The following PLD5 variants were observed in gnomAD, a reference collection of about 807,000 sequenced individuals.
PLD5 encodes the protein phospholipase D family member 5.
PLD5 carries 36 observed loss-of-function variants against 61.1 expected under a neutral mutation model. The observed-to-expected ratio is 0.59, with a 90% CI of 0.45 to 0.78. The LOEUF is 0.78. Ranked by LOEUF, PLD5 falls within the 30% of genes least tolerant of loss-of-function variation. The probability of loss-of-function intolerance (pLI) is 0.00; values close to 1 mark genes in which losing one functional copy is unlikely to be tolerated. For missense variants in PLD5, 515 were observed against 644.4 expected (o/e 0.80, Z 2.17); for synonymous variants, 243 against 242.8 (o/e 1.00, Z -0.01).
At chr1:242,150,567 T>C (rs1315666981) in intron 5 of PLD5, among the ~76,000 whole-genome samples, 3 of 151,874 alleles carry the variant, frequency 2.0e-5, no homozygotes, top group Middle Eastern at 3.2e-3. Flanking sequence ...TTGCTCTTTA[T>C]TTCTGGTAAT....
chr1:242,517,509 A>T (rs1669141765), intron 1 of PLD5, among the ~76,000 whole-genome samples: 1 of 152,152 alleles, frequency 6.6e-6, no homozygotes, highest in African/African-American at 2.4e-5. Context: ...ATTTCATATC[A>T]ACTTTGCATT....
rs74152319 is a variant in PLD5 at position 242,300,989 on chromosome 1, G to A, written c.327-12459C>T. Reference sequence around the variant, plus strand: ...CAAGGATGCTTGTGTGATGTCACGCGAGCTTGCCTTTCATCTTTCTCCAAA... The same window carrying A: ...CAAGGATGCTTGTGTGATGTCACGCAAGCTTGCCTTTCATCTTTCTCCAAA... On this transcript the variant is annotated intron_variant, in intron 2 of 9. Coordinates refer to ENST00000536534, the MANE Select transcript of PLD5 (RefSeq NM_001372062.1). Among the ~76,000 whole-genome samples the A allele has an allele frequency of 3.8e-3, 572 of 152,238 alleles. 6 individuals are homozygous for A. Among genetic ancestry groups the A allele is most frequent in the African/African-American group, 0.013 (554 of 41,524 alleles).
rs560811527 is a variant in PLD5 at position 242,215,012 on chromosome 1, G to C, written c.735+4976C>G. The stretch of plus-strand genomic sequence containing the variant: ...CTGACTCAGCCTCCAGAGTAGCTGG[G>C]ACTACTTGTGCCTGCCACCGTGCCT... On this transcript the variant is annotated intron_variant, in intron 5 of 9. Transcript: ENST00000536534. Among the ~76,000 whole-genome samples the C allele has an allele frequency of 1.1e-3, 164 of 150,408 alleles. 1 individual carries two copies. Among genetic ancestry groups the C allele is most frequent in the African/African-American group, 3.9e-3 (158 of 40,846 alleles).
intron 9 of PLD5, among the ~76,000 whole-genome samples, chr1:242,097,437 C>G (rs954332532): frequency 2.0e-5 from 3 of 152,138 alleles, no homozygotes; most frequent in African/African-American, 7.2e-5. Context: ...TTAATGATTG[C>G]CATTCTAACT....
chr1:242,419,296 T>C (rs1219896353), intron 1 of PLD5, among the ~76,000 whole-genome samples: 2 of 151,850 alleles, frequency 1.3e-5, no homozygotes, highest in East Asian at 3.9e-4. Context: ...ACAAAAGTCA[T>C]GGCAAAGACT....
chr1:242,354,972 C>A (rs2149228804), intron 1 of PLD5, among the ~76,000 whole-genome samples: 1 of 151,832 alleles, frequency 6.6e-6, no homozygotes, highest in Non-Finnish European at 1.5e-5. Context: ...GGGATAGATC[C>A]CATTTGATCA....
At chr1:242,112,284 TGTG>T (rs1661565650) in intron 7 of PLD5, among the ~76,000 whole-genome samples, 1 of 7,282 alleles carries the variant, frequency 1.4e-4, no homozygotes, top group Admixed American at 1.8e-3. Context: ...AAGGATGCAC[TGTG>T]TGTGTGTGTG....
intron 5 of PLD5, among the ~76,000 whole-genome samples, chr1:242,146,346 C>T (rs1168157006): frequency 1.3e-5 from 2 of 152,142 alleles, no homozygotes; most frequent in African/African-American, 4.8e-5. Flanking sequence ...AAAGATAATA[C>T]AACCAGTAAG....
intron 5 of PLD5, among the ~76,000 whole-genome samples, chr1:242,135,119 G>A (rs555494179): frequency 1.8e-4 from 27 of 152,174 alleles, no homozygotes; most frequent in African/African-American, 6.0e-4. Context: ...AAATGCATAC[G>A]GTTGTTGGGA....
At chr1:242,521,009 T>A (rs78313853) in intron 1 of PLD5, among the ~76,000 whole-genome samples, 2,266 of 152,318 alleles carry the variant, frequency 0.015, 66 homozygotes, top group African/African-American at 0.053. Context: ...AACAAAAGAT[T>A]TTAACAACCA....
At chr1:242,440,969 T>G (rs1203637329) in intron 1 of PLD5, among the ~76,000 whole-genome samples, 1 of 152,216 alleles carries the variant, frequency 6.6e-6, no homozygotes, top group Non-Finnish European at 1.5e-5. Context: ...TTCAGCATTA[T>G]TATAAATAGT....
intron 6 of PLD5, among the ~76,000 whole-genome samples, chr1:242,116,394 G>A (rs371691339): frequency 4.1e-4 from 62 of 152,322 alleles, no homozygotes; most frequent in African/African-American, 1.4e-3. Flanking sequence ...TGAGCAAGAT[G>A]AGTCGGTTTT....
At chr1:242,328,293 GTATGTTCTACATATA>G (rs66548988) in intron 2 of PLD5, among the ~76,000 whole-genome samples, 129,876 of 150,960 alleles carry the variant, frequency 0.86, 56,282 homozygotes, top group East Asian at 0.95. Context: ...ATATATGTAT[GTATGTTCTACATATA>G]TATGTTCTAC....
rs147628726 is a variant in PLD5, at chr1:242,379,700, CT to C, written c.190-31459del. 8.8e-3 allele frequency among the ~76,000 whole-genome samples: 1,333 copies of C among 152,088 alleles called. 8 individuals are homozygous for C. The highest frequency in any genetic ancestry group is 0.014 in the Middle Eastern group (4 of 294). The stretch of plus-strand genomic sequence containing the variant: ...TTTCCATTTTTTGCAGTGGCTATTT[CT>C]TTTTCTGACAGGTTGACCTCTTTTA... On this transcript the variant is annotated intron_variant, in intron 1 of 9. Transcript: ENST00000536534.
chr1:242,287,258 C>T (rs954194004), intron 3 of PLD5, among the ~76,000 whole-genome samples: 1 of 152,152 alleles, frequency 6.6e-6, no homozygotes. Context: ...GCAACCCACC[C>T]CAGCCAATAC....
intron 5 of PLD5, among the ~76,000 whole-genome samples, chr1:242,130,263 G>T (rs1234223738): frequency 6.6e-6 from 1 of 152,092 alleles, no homozygotes; most frequent in Non-Finnish European, 1.5e-5. Flanking sequence ...CGTTGGCCAG[G>T]CTGGTCTCAA....
rs574740958 is a variant in PLD5 at position 242,256,321 on chromosome 1, T to A, written c.607+9016A>T. Reference sequence around the variant, plus strand: ...TAAAAAGATAGGGAAATCTAGAAATTTAATTTTAAAATCTCATGGGGAGAA... The same window carrying A: ...TAAAAAGATAGGGAAATCTAGAAATATAATTTTAAAATCTCATGGGGAGAA... On this transcript the variant is annotated intron_variant, in intron 4 of 9. Coordinates refer to ENST00000536534, the MANE Select transcript of PLD5 (RefSeq NM_001372062.1). This position sits in a 1 kb window ranked among gnomAD's most constrained non-coding sequence, Gnocchi z 5.7. Among the ~76,000 whole-genome samples, 1 of 152,268 alleles carries A rather than the reference T, an allele frequency of 6.6e-6. No individual in the cohort carries two copies. Among genetic ancestry groups the A allele is most frequent in the African/African-American group, 2.4e-5 (1 of 41,560 alleles).
In PLD5 at chr1:242,100,874, C is replaced by A. The variant is rs546594509; in HGVS notation, c.1240-92G>T. 1,192 of 777,262 alleles carry A rather than the reference C, an allele frequency of 1.5e-3. 2 individuals carry two copies. The highest frequency in any genetic ancestry group is 2.0e-3 in the Non-Finnish European group (956 of 471,160). 48.1% of individuals were successfully genotyped at this position (777,262 alleles called of 1,614,324 possible). On this transcript the variant is annotated intron_variant, in intron 8 of 9. Coordinates refer to ENST00000536534, the MANE Select transcript of PLD5 (RefSeq NM_001372062.1). ...AAAGAATGCATTATCCAAATGTCAA[C>A]AATAGACCTCAAGTTGGGTTATGAA...
At chr1:242,342,303 G>A (rs1659881091) in intron 2 of PLD5, among the ~76,000 whole-genome samples, 1 of 152,196 alleles carries the variant, frequency 6.6e-6, no homozygotes, top group African/African-American at 2.4e-5. Flanking sequence ...CGGAAGGGAA[G>A]ATGGAAGTAG....
Sources: allele counts gnomAD v4.1 joint callset (sites outside exome capture counted in the v4.1 genomes callset), GRCh38; gene constraint gnomAD v4.1.1; non-coding constraint Gnocchi (gnomAD v3.1); transcripts MANE v1.5; gene names NCBI Gene and HGNC (gene_info 2026-07-23, HGNC 2026-07-21).